The following CHD7 variants were observed in gnomAD, a reference collection of about 807,000 sequenced individuals.
The protein encoded by CHD7 is ATP-dependent chromatin remodeler CHD7.
A neutral mutation model predicts 307.3 loss-of-function variants in CHD7; 24 were observed. That is an observed-to-expected ratio of 0.08 (90% confidence interval 0.06 to 0.11). The LOEUF is 0.11. CHD7 is among the 10% of genes least tolerant of loss of function. The pLI, the probability that CHD7 is intolerant of heterozygous loss-of-function variation, is 1.00. For synonymous variants in CHD7, 1,363 were observed against 1,349.9 expected (o/e 1.01, Z -0.21); for missense variants, 3,106 against 3,727.1 (o/e 0.83, Z 4.34).
Position 60,862,230 on chromosome 8 carries a change from A to C in CHD7, c.7865A>C (p.Lys2622Thr). 1 of 1,611,584 alleles carries C rather than the reference A, an allele frequency of 6.2e-7. No individual in the cohort carries two copies. Among genetic ancestry groups the C allele is most frequent in the Non-Finnish European group, 8.5e-7 (1 of 1,178,656 alleles). The change falls in exon 36 of 38, where the codon AAA (lysine) becomes ACA (threonine). Residue 2622 changes from lysine (K) to threonine (T), a missense_variant. Physicochemically the swap from Lys to Thr is moderately conservative, Grantham distance 78 (BLOSUM62 -1). Around this residue, in one of 10 missense-constraint regions of CHD7, gnomAD observed 1,030 missense variants for 1,165.4 expected, o/e 0.88. Transcript: ENST00000423902. ...GATGTGCTGTTTTCCTCATTTCAGAAACCGAAACAGAAACGACATAGATGT... is the reference window on the plus strand; with the variant it reads ...GATGTGCTGTTTTCCTCATTTCAGACACCGAAACAGAAACGACATAGATGT... ...NADVLFSSFQ[K>T]PKQKRHRCRN...
In CHD7 at chr8:60,849,057, C is replaced by T. The variant is rs16926499; in HGVS notation, c.5307C>T (p.Ala1769=). ...KILEGADSSE[A]DVWIPEPFHA... ...TATAAATGTTGTCTTTCAGTGAAGCCGATGTGTGGATCCCTGAACCTTTCC... is the reference window on the plus strand; with the variant it reads ...TATAAATGTTGTCTTTCAGTGAAGCTGATGTGTGGATCCCTGAACCTTTCC... Residue 1769 remains alanine, a synonymous_variant, in exon 25 of 38, where the codon GCC becomes GCT. Coordinates refer to ENST00000423902, the MANE Select transcript of CHD7 (RefSeq NM_017780.4). The T allele has an allele frequency of 3.2e-3, 5,120 of 1,611,766 alleles. 160 individuals carry two copies. The African/African-American group carries it at 0.061, about 19-fold the overall frequency.
rs1196677704 is a variant in CHD7, at chr8:60,866,086, T to C, written c.*153T>C. 1 of 644,084 alleles carries C rather than the reference T, an allele frequency of 1.6e-6. No individual in the cohort carries two copies. 39.9% of individuals were successfully genotyped at this position (644,084 alleles called of 1,614,324 possible). A position where few individuals can be genotyped will look rare whatever the true frequency, so the allele number is the denominator to read the frequency against. On this transcript the variant is annotated 3_prime_UTR_variant, in exon 38 of 38. Transcript: ENST00000423902. Reference sequence around the variant, plus strand: ...GTTCAAGTCATGTTATACAGGTGTGTCAAAAGGTATCTTGGTCATTAAGTA... The same window carrying C: ...GTTCAAGTCATGTTATACAGGTGTGCCAAAAGGTATCTTGGTCATTAAGTA...
At chr8:60,725,931 A>G (rs1808137065) in intron 1 of CHD7, among the ~76,000 whole-genome samples, 1 of 152,150 alleles carries the variant, frequency 6.6e-6, no homozygotes, top group African/African-American at 2.4e-5. Flanking sequence ...TTAGGTGGGG[A>G]GCAGGGGGAT....
chr8:60,802,754 C>A (rs1812370008), intron 6 of CHD7, among the ~76,000 whole-genome samples: 1 of 152,072 alleles, frequency 6.6e-6, no homozygotes, highest in South Asian at 2.1e-4. Flanking sequence ...AAAGTGAGAT[C>A]CCAGGCTTAT....
At chr8:60,762,501 T>A (rs1482680795) in intron 2 of CHD7, among the ~76,000 whole-genome samples, 1 of 152,220 alleles carries the variant, frequency 6.6e-6, no homozygotes, top group African/African-American at 2.4e-5. Flanking sequence ...AGCTTCTCTG[T>A]GCCTCAGTTT....
Position 60,849,058 on chromosome 8 carries a change from G to T in CHD7, c.5308G>T (p.Asp1770Tyr), listed in dbSNP as rs762824174. Residue 1770 changes from aspartate (D) to tyrosine (Y), a missense_variant, in exon 25 of 38, where the codon GAT becomes TAT. Physicochemically the swap from Asp to Tyr is radical, Grantham distance 160. This residue lies in a region of CHD7 where 1,030 missense variants were observed against 1,165.4 expected (regional missense o/e 0.88). Transcript: ENST00000423902. ...ATAAATGTTGTCTTTCAGTGAAGCC[G>T]ATGTGTGGATCCCTGAACCTTTCCA... Reference protein sequence around the residue: ...ILEGADSSEADVWIPEPFHAE... With the variant: ...ILEGADSSEAYVWIPEPFHAE... 1.9e-6 allele frequency: 3 copies of T among 1,612,084 alleles called. No individual in the cohort carries two copies. Among genetic ancestry groups the T allele is most frequent in the Admixed American group, 1.7e-5 (1 of 60,000 alleles).
Position 60,763,092 on chromosome 8 carries a change from A to G in CHD7, c.1666-17908A>G, listed in dbSNP as rs1586286813. ...GGCAGGTCGGTCCAGTGAGGGGAGC[A>G]GGGTGTGGCCATATGTGCCGTGTAA... On this transcript the variant is annotated intron_variant, in intron 2 of 37. Transcript: ENST00000423902. Among the ~76,000 whole-genome samples the G allele has an allele frequency of 4.6e-5, 7 of 152,324 alleles. 1 individual carries two copies. The South Asian group carries it at 1.2e-3, about 27-fold the overall frequency.
At chr8:60,788,114 C>T (rs1391928704) in intron 3 of CHD7, among the ~76,000 whole-genome samples, 2 of 151,506 alleles carry the variant, frequency 1.3e-5, no homozygotes, top group Non-Finnish European at 2.9e-5. Context: ...GATCACTGCA[C>T]CCAGCCCCAG....
At chr8:60,699,135 C>A (rs1806634165) in intron 1 of CHD7, among the ~76,000 whole-genome samples, 1 of 152,176 alleles carries the variant, frequency 6.6e-6, no homozygotes, top group African/African-American at 2.4e-5. Flanking sequence ...TAGATATTAG[C>A]ATATTTAAAT....
At chr8:60,785,498 ATAG>A (rs1483520492) in intron 3 of CHD7, among the ~76,000 whole-genome samples, 2 of 152,204 alleles carry the variant, frequency 1.3e-5, no homozygotes, top group African/African-American at 4.8e-5. Flanking sequence ...ATTATCATTA[ATAG>A]TAGTAGTATT....
intron 8 of CHD7, among the ~76,000 whole-genome samples, chr8:60,819,189 G>A (rs1803902993): frequency 1.3e-5 from 2 of 152,036 alleles, no homozygotes; most frequent in South Asian, 2.1e-4. Context: ...TCCTGACCTC[G>A]TGATCCGCCT....
intron 1 of CHD7, among the ~76,000 whole-genome samples, chr8:60,689,718 T>C (rs1368208095): frequency 6.6e-6 from 1 of 152,232 alleles, no homozygotes; most frequent in African/African-American, 2.4e-5. Flanking sequence ...TGAGGCCTCT[T>C]TCCTCAGATG....
intron 2 of CHD7, among the ~76,000 whole-genome samples, chr8:60,746,290 T>C (rs1267984424): frequency 1.3e-5 from 2 of 152,256 alleles, no homozygotes; most frequent in African/African-American, 4.8e-5. Flanking sequence ...GCCTTAGTTA[T>C]GAAATAACTA....
chr8:60,699,955 C>G (rs968640669), intron 1 of CHD7, among the ~76,000 whole-genome samples: 1 of 151,900 alleles, frequency 6.6e-6, no homozygotes, highest in East Asian at 1.9e-4. Flanking sequence ...CTCAGCCTCC[C>G]GAGTAGCTGG....
At chr8:60,733,901 T>C (rs375293431) in intron 1 of CHD7, among the ~76,000 whole-genome samples, 1 of 152,220 alleles carries the variant, frequency 6.6e-6, no homozygotes. Context: ...GCATTAGATA[T>C]TAATGTTAAC....
chr8:60,743,654 A>G (rs1809174564), intron 2 of CHD7, among the ~76,000 whole-genome samples: 1 of 152,258 alleles, frequency 6.6e-6, no homozygotes, highest in Non-Finnish European at 1.5e-5. Context: ...GATAATTCAC[A>G]GAAGATGTTT....
intron 1 of CHD7, among the ~76,000 whole-genome samples, chr8:60,680,052 C>T (rs1042302755): frequency 1.3e-5 from 2 of 151,624 alleles, no homozygotes; most frequent in Non-Finnish European, 2.9e-5. Context: ...CCGCCGGCGG[C>T]GGCAGCTGCA....
chr8:60,768,743 G>A (rs77765814), intron 2 of CHD7, among the ~76,000 whole-genome samples: 2,717 of 152,084 alleles, frequency 0.018, 55 homozygotes, highest in Admixed American at 0.035. Flanking sequence ...TAGGCTCTTG[G>A]TCAGTACTGG....
In CHD7 at chr8:60,795,135, AATT is replaced by A; in HGVS notation, c.2238+12_2238+14del. On this transcript the variant is annotated intron_variant, in intron 4 of 37. Transcript: ENST00000423902. ...GAGGACCCAGGTGTTCAGGTAATAC[AATT>A]ATTGTGATTCCCGAGCCTTGGTTAT... 1 of 1,608,594 alleles carries A rather than the reference AATT, an allele frequency of 6.2e-7. No homozygotes were observed. The highest frequency in any genetic ancestry group is 8.5e-7 in the Non-Finnish European group (1 of 1,177,962).
Sources: gnomAD v4.1 joint callset for allele counts (sites outside exome capture counted in the v4.1 genomes callset) on GRCh38, gnomAD v4.1.1 for gene constraint, gnomAD v4.1.1 regional missense constraint, MANE v1.5 for transcripts, NCBI Gene and HGNC (gene_info 2026-07-23, HGNC 2026-07-21) for gene names.